LDB2: variants seen among roughly 807,000 people sequenced by gnomAD.
LDB2 encodes the protein LIM domain binding 2.
LDB2 carries 12 observed loss-of-function variants against 44.3 expected under a neutral mutation model. The observed-to-expected ratio is 0.27, with a 90% confidence interval of 0.17 to 0.44. The LOEUF (loss-of-function observed/expected upper bound fraction) is 0.44, where lower values mean the gene tolerates loss of function less well. Among genes scored for constraint, LDB2 ranks in the 20% least tolerant of loss-of-function variants. LDB2 has a pLI of 1.00. For missense variants in LDB2, 344 were observed against 473.5 expected, an observed-to-expected ratio of 0.73 and a Z score of 2.54; for synonymous variants, 164 against 174.8, an observed-to-expected ratio of 0.94 and a Z score of 0.49.
chr4:16,554,628 C>T (rs960002600), intron 5 of LDB2, among the ~76,000 whole-genome samples: 4 of 152,094 alleles, frequency 2.6e-5, no homozygotes, highest in Admixed American at 6.5e-5. Context: ...TGGAAAGACA[C>T]GGAGGAACTG....
chr4:16,577,170 A>G (rs533276058), intron 5 of LDB2, among the ~76,000 whole-genome samples: 2 of 152,340 alleles, frequency 1.3e-5, no homozygotes, highest in Non-Finnish European at 2.9e-5. Context: ...GATATGGAAC[A>G]TGACAAGGAT....
chr4:16,549,456 A>G (rs764980355), intron 5 of LDB2, among the ~76,000 whole-genome samples: 2 of 152,210 alleles, frequency 1.3e-5, no homozygotes, highest in Admixed American at 6.5e-5. Flanking sequence ...TATTGATTCA[A>G]TCTTTAAAAT....
At chr4:16,864,793 C>T (rs1395759983) in intron 1 of LDB2, among the ~76,000 whole-genome samples, 4 of 151,722 alleles carry the variant, frequency 2.6e-5, no homozygotes, top group Non-Finnish European at 4.4e-5. Flanking sequence ...GGCGTGGTGG[C>T]GGGCGCCTGT....
At chr4:16,658,895 A>G (rs1185433682) in intron 2 of LDB2, among the ~76,000 whole-genome samples, 1 of 152,204 alleles carries the variant, frequency 6.6e-6, no homozygotes, top group African/African-American at 2.4e-5. Context: ...CTCGAAACCT[A>G]AGGACTGAAA....
intron 2 of LDB2, among the ~76,000 whole-genome samples, chr4:16,670,961 GA>G (rs1744583017): frequency 6.6e-6 from 1 of 152,110 alleles, no homozygotes; most frequent in Non-Finnish European, 1.5e-5. Context: ...TTCTACATGA[GA>G]AAGAAGGAAT....
chr4:16,571,829 G>T (rs1367731207), intron 5 of LDB2, among the ~76,000 whole-genome samples: 1 of 152,076 alleles, frequency 6.6e-6, no homozygotes, highest in Non-Finnish European at 1.5e-5. Context: ...TCTTAATTAT[G>T]GTAAACACTT....
At chr4:16,851,249 C>G (rs1383643345) in intron 1 of LDB2, among the ~76,000 whole-genome samples, 1 of 151,892 alleles carries the variant, frequency 6.6e-6, no homozygotes, top group Non-Finnish European at 1.5e-5. Flanking sequence ...AACATATGCT[C>G]TCACAAGCAG....
At chr4:16,820,188 C>T (rs562027446) in intron 1 of LDB2, among the ~76,000 whole-genome samples, 2 of 152,104 alleles carry the variant, frequency 1.3e-5, no homozygotes, top group Non-Finnish European at 2.9e-5. Flanking sequence ...GACCAAATAT[C>T]GTCTTAGACT....
chr4:16,726,030 ATTGT>A (rs1171099473), intron 2 of LDB2, among the ~76,000 whole-genome samples: 1 of 150,636 alleles, frequency 6.6e-6, no homozygotes, highest in Non-Finnish European at 1.5e-5. Context: ...TAACCACTGA[ATTGT>A]TTAACGTTTT....
intron 1 of LDB2, among the ~76,000 whole-genome samples, chr4:16,834,717 C>T (rs1784616009): frequency 6.6e-6 from 1 of 151,978 alleles, no homozygotes. Flanking sequence ...ATCCCCTCTA[C>T]TGGGGAGGCT....
chr4:16,689,335 A>C (rs1405070381), intron 2 of LDB2, among the ~76,000 whole-genome samples: 1 of 152,204 alleles, frequency 6.6e-6, no homozygotes, highest in Non-Finnish European at 1.5e-5. Flanking sequence ...AACAAAGCTA[A>C]AAAATTCCTA....
At chr4:16,726,344 C>T (rs1018386962) in intron 2 of LDB2, 4 of 152,076 alleles carry the variant, frequency 2.6e-5, no homozygotes, top group African/African-American at 7.2e-5. Context: ...CCTCTGAATA[C>T]CAATGATAAA....
rs182612202 is a variant in LDB2, at chr4:16,851,112, C to T, written c.132+47242G>A. ...TGGGGTGCTAGTGAATAGTAAACAG[C>T]CTGCTCTTGGAGTGAGGAGAAGCTG... On this transcript the variant is annotated intron_variant, in intron 1 of 7. Coordinates refer to ENST00000304523, the MANE Select transcript of LDB2 (RefSeq NM_001290.5). 1.1e-3 allele frequency among the ~76,000 whole-genome samples: 170 copies of T among 151,980 alleles called. 1 individual carries two copies. The highest frequency in any genetic ancestry group is 3.9e-3 in the African/African-American group (160 of 41,428).
intron 2 of LDB2, among the ~76,000 whole-genome samples, chr4:16,731,920 T>C (rs1579146684): frequency 1.3e-5 from 2 of 152,162 alleles, no homozygotes; most frequent in African/African-American, 4.8e-5. Context: ...CTGAGGCAAA[T>C]CCACCACCTT....
At chr4:16,572,837 A>C (rs1029348033) in intron 5 of LDB2, among the ~76,000 whole-genome samples, 1 of 152,172 alleles carries the variant, frequency 6.6e-6, no homozygotes, top group African/African-American at 2.4e-5. Context: ...ATGGCTCCAA[A>C]GGGCTTTCTC....
At chr4:16,546,264 A>G (rs1431200003) in intron 5 of LDB2, among the ~76,000 whole-genome samples, 2 of 152,242 alleles carry the variant, frequency 1.3e-5, no homozygotes, top group African/African-American at 2.4e-5. Context: ...GCCATTTTGC[A>G]TTTAAGAAGC....
intron 1 of LDB2, among the ~76,000 whole-genome samples, chr4:16,778,341 T>A (rs1772416433): frequency 1.3e-5 from 2 of 152,158 alleles, no homozygotes; most frequent in Non-Finnish European, 2.9e-5. Context: ...ATGAGCTATA[T>A]CATGTCTACG....
chr4:16,764,393 G>A (rs1768709863), intron 1 of LDB2, among the ~76,000 whole-genome samples: 2 of 152,226 alleles, frequency 1.3e-5, no homozygotes, highest in South Asian at 2.1e-4. Context: ...TAGGAGTTTA[G>A]GGAGTGGCTG....
chr4:16,614,679 A>G (rs1578215079), intron 2 of LDB2, among the ~76,000 whole-genome samples: 1 of 151,976 alleles, frequency 6.6e-6, no homozygotes, highest in East Asian at 1.9e-4. Context: ...GTACCAACAA[A>G]CGTGATAAAA....
Sources: gnomAD v4.1 joint callset for allele counts (sites outside exome capture counted in the v4.1 genomes callset) on GRCh38, gnomAD v4.1.1 for gene constraint, MANE v1.5 for transcripts, NCBI Gene and HGNC (gene_info 2026-07-23, HGNC 2026-07-21) for gene names.